Variants in DST observed in about 807,000 individuals in gnomAD.
The protein encoded by DST is dystonin.
A neutral mutation model predicts 875.2 loss-of-function variants in DST; 253 were observed. The observed-to-expected ratio is 0.29, with a 90% confidence interval of 0.26 to 0.32. The LOEUF (loss-of-function observed/expected upper bound fraction) is 0.32. Among genes scored for constraint, DST ranks in the 10% least tolerant of loss-of-function variants. The probability of loss-of-function intolerance (pLI) is 1.00; values close to 1 mark genes in which losing one functional copy is unlikely to be tolerated. For synonymous variants in DST, 3,124 were observed against 3,197.1 expected, an observed-to-expected ratio of 0.98 and a Z score of 0.77; for missense variants, 8,287 against 9,111.6, an observed-to-expected ratio of 0.91 and a Z score of 3.68.
chr6:56,552,108 A>T, intron 61 of DST, 76 bp downstream of exon 61: 1 of 1,439,576 alleles, frequency 6.9e-7, no homozygotes, highest in Non-Finnish European at 9.4e-7. Context: ...TCTACAAAAT[A>T]GGCAATCTCC....
chr6:56,507,316 A>ACATT (rs1020526249), intron 75 of DST, among the ~76,000 whole-genome samples: 6 of 152,212 alleles, frequency 3.9e-5, no homozygotes, highest in African/African-American at 1.2e-4. Flanking sequence ...TTGGTTAAAT[A>ACATT]CATTCATTCA....
At chr6:56,894,800 G>T (rs1240985338) in intron 3 of DST, among the ~76,000 whole-genome samples, 1 of 92,122 alleles carries the variant, frequency 1.1e-5, no homozygotes, top group African/African-American at 6.4e-5. Context: ...CTGGCCGGGC[G>T]GGGGGCTGAC....
chr6:56,634,170 T>C lies in DST; in HGVS notation c.3583A>G (p.Asn1195Asp), dbSNP rs2152764839. 5 of 1,613,550 alleles carry C rather than the reference T, an allele frequency of 3.1e-6. No homozygotes were observed. Among genetic ancestry groups the C allele is most frequent in the Non-Finnish European group, 3.4e-6 (4 of 1,179,998 alleles). Residue 1195 changes from asparagine to aspartate, a missense_variant, in exon 27 of 104, where the codon AAT becomes GAT. Around this residue, in one of 10 missense-constraint regions of DST, gnomAD observed 3,138 missense variants for 3,116.6 expected, o/e 1.01. Transcript: ENST00000680361. ...KSVVSWHYLI[N>D]EIDRIRASNV... ...CTAGCTCGAATTCTATCAATTTCATTGATGAGATAATGCCAGGATACTACA... is the reference window on the plus strand; with the variant it reads ...CTAGCTCGAATTCTATCAATTTCATCGATGAGATAATGCCAGGATACTACA...
intron 78 of DST, among the ~76,000 whole-genome samples, chr6:56,501,968 A>C (rs1458015955): frequency 1.3e-5 from 2 of 152,136 alleles, no homozygotes; most frequent in African/African-American, 2.4e-5. Context: ...TAAAAAAATA[A>C]ATTTCAAGGC....
At chr6:56,461,121 C>T (rs1038615951) in intron 102 of DST, 1 of 152,146 alleles carries the variant, frequency 6.6e-6, no homozygotes, top group African/African-American at 2.4e-5. Flanking sequence ...AAACAAATTA[C>T]ATGTATATTT....
At chr6:56,657,752 C>T (rs2099017157) in intron 10 of DST, among the ~76,000 whole-genome samples, 1 of 151,980 alleles carries the variant, frequency 6.6e-6, no homozygotes. Context: ...CACCTTATCA[C>T]AATCTAATTT....
chr6:56,803,330 T>G (rs892989882), intron 4 of DST, among the ~76,000 whole-genome samples: 10 of 152,212 alleles, frequency 6.6e-5, no homozygotes, highest in African/African-American at 2.4e-4. Flanking sequence ...CTTGGTAACT[T>G]TGCTTAGTTT....
Position 56,492,367 on chromosome 6 carries a change from G to A in DST, c.20617C>T (p.Leu6873=). ...TCTTGTTTCTGACTAAAATATTTTAGGTGGGTTCCAGTTTTGTCCAGCTCT... is the reference window on the plus strand; with the variant it reads ...TCTTGTTTCTGACTAAAATATTTTAAGTGGGTTCCAGTTTTGTCCAGCTCT... ...IIELDKTGTH[L]KYFSQKQDVV... is the part of the protein sequence containing the mutation. The change falls in exon 85 of 104, where the codon CTA becomes TTA. Residue 6873 remains leucine (L), a synonymous_variant. Coordinates refer to ENST00000680361, the MANE Select transcript of DST (RefSeq NM_001374736.1). The A allele has an allele frequency of 6.2e-7, 1 of 1,613,790 alleles. No individual in the cohort carries two copies.
In DST at chr6:56,902,641, G is replaced by A. The variant is rs370981742; in HGVS notation, c.217-2020C>T. Among the ~76,000 whole-genome samples the A allele has an allele frequency of 5.7e-4, 87 of 152,312 alleles. 1 individual carries two copies. The highest frequency in any genetic ancestry group is 1.9e-3 in the African/African-American group (80 of 41,578). On this transcript the variant is annotated intron_variant, in intron 2 of 103. Transcript: ENST00000680361. ...TTGTTTGGGCTCTCCTAATCCATCCGCAAATACTTTAGTCTTGTTCCCATC... is the reference window on the plus strand; with the variant it reads ...TTGTTTGGGCTCTCCTAATCCATCCACAAATACTTTAGTCTTGTTCCCATC...
At chr6:56,908,710 A>G (rs766269732) in intron 2 of DST, among the ~76,000 whole-genome samples, 1 of 152,192 alleles carries the variant, frequency 6.6e-6, no homozygotes, top group African/African-American at 2.4e-5. Context: ...TTGGCACAAG[A>G]TACGGGTCGT....
At chr6:56,548,961 C>T (rs1035608236) in intron 61 of DST, among the ~76,000 whole-genome samples, 5 of 152,164 alleles carry the variant, frequency 3.3e-5, no homozygotes, top group African/African-American at 1.2e-4. Context: ...TTTAGAATAG[C>T]ATTTGCTTTA....
intron 2 of DST, among the ~76,000 whole-genome samples, chr6:56,946,174 G>C (rs905408064): frequency 2.6e-5 from 4 of 152,294 alleles, no homozygotes; most frequent in African/African-American, 9.6e-5. Flanking sequence ...AAAGGGGCAG[G>C]GGATTAAGAG....
intron 12 of DST, 32 bp downstream of exon 12, chr6:56,650,894 A>G (rs1438955427): frequency 2.2e-6 from 3 of 1,393,114 alleles, no homozygotes; most frequent in Admixed American, 3.7e-5. Flanking sequence ...TACTGAATCA[A>G]CAGCTTCCGG....
chr6:56,843,717 G>A (rs1428335353), intron 4 of DST: 34 of 366,324 alleles, frequency 9.3e-5, no homozygotes, highest in African/African-American at 3.9e-4. Context: ...GAGGGTGGAG[G>A]GTGGAGGGTG....
At chr6:56,719,413 A>G (rs1049755605) in intron 5 of DST, among the ~76,000 whole-genome samples, 3 of 152,252 alleles carry the variant, frequency 2.0e-5, no homozygotes, top group Non-Finnish European at 4.4e-5. Context: ...GAGGGCAAAA[A>G]GCAAATGGAA....
intron 4 of DST, among the ~76,000 whole-genome samples, chr6:56,797,023 C>T (rs1337302900): frequency 6.6e-6 from 1 of 152,216 alleles, no homozygotes; most frequent in African/African-American, 2.4e-5. Flanking sequence ...AACCCTGTGT[C>T]AAGCAAGTTT....
At chr6:56,892,568 C>T (rs1268024073) in intron 3 of DST, among the ~76,000 whole-genome samples, 5 of 152,084 alleles carry the variant, frequency 3.3e-5, no homozygotes, top group Admixed American at 2.6e-4. Context: ...TCAAGTGATC[C>T]TCCCACCTCA....
intron 4 of DST, among the ~76,000 whole-genome samples, chr6:56,833,449 G>A (rs1405253314): frequency 1.3e-5 from 2 of 152,150 alleles, no homozygotes; most frequent in African/African-American, 4.8e-5. Flanking sequence ...TTTAAAAGAA[G>A]TAATTCAATA....
chr6:56,573,717 T>A lies in DST; in HGVS notation c.13198A>T (p.Asn4400Tyr). The change falls in exon 51 of 104, where the codon AAC becomes TAC. Residue 4400 changes from asparagine (N) to tyrosine (Y), a missense_variant. Coordinates refer to ENST00000680361, the MANE Select transcript of DST (RefSeq NM_001374736.1). ...SLKEQGQVPL[N>Y]STALQDIISK... ...ATAATATCCTGAAGAGCAGTAGAGT[T>A]TAAAGGCACTTGACCTTGTTCTTTC... The A allele has an allele frequency of 6.2e-7, 1 of 1,613,624 alleles. No individual in the cohort carries two copies. Among genetic ancestry groups the A allele is most frequent in the Non-Finnish European group, 8.5e-7 (1 of 1,179,646 alleles).
Sources: gnomAD v4.1 joint callset for allele counts (sites outside exome capture counted in the v4.1 genomes callset) on GRCh38, gnomAD v4.1.1 for gene constraint, gnomAD v4.1.1 regional missense constraint, MANE v1.5 for transcripts, NCBI Gene and HGNC (gene_info 2026-07-23, HGNC 2026-07-21) for gene names.